WIZ: variants seen among roughly 807,000 people sequenced by gnomAD.
WIZ encodes protein Wiz.
Under a neutral mutation model 140.2 loss-of-function variants are expected in WIZ, and 25 were observed. The ratio of observed to expected loss-of-function variants is 0.18; its 90% CI spans 0.13 to 0.25. The LOEUF (loss-of-function observed/expected upper bound fraction) is 0.25. Ranked by LOEUF, WIZ falls within the 10% of genes least tolerant of loss-of-function variation. WIZ has a pLI of 1.00. For synonymous variants in WIZ, 1,125 were observed against 1,154.3 expected, an observed-to-expected ratio of 0.97 and a Z score of 0.51; for missense variants, 2,231 against 2,632.6, an observed-to-expected ratio of 0.85 and a Z score of 3.34.
At chr19:15,426,415 A>G (rs1385416592) in intron 9 of WIZ, among the ~76,000 whole-genome samples, 1 of 152,212 alleles carries the variant, frequency 6.6e-6, no homozygotes, top group Non-Finnish European at 1.5e-5. Flanking sequence ...GTTTTCTGTA[A>G]CCAGGTGCTG....
Position 15,427,213 on chromosome 19 carries a change from G to A in WIZ, c.4135C>T (p.Pro1379Ser), listed in dbSNP as rs748820922. Residue 1379 changes from proline (P) to serine (S), a missense_variant, in exon 9 of 13, where the codon CCA becomes TCA. Around this residue, in one of 15 missense-constraint regions of WIZ, gnomAD observed 393 missense variants for 451.7 expected, o/e 0.87. Coordinates refer to ENST00000673675, the MANE Select transcript of WIZ (RefSeq NM_001371589.1). This position sits in a 1 kb window ranked among gnomAD's most constrained non-coding sequence, Gnocchi z 6.4. ...CCCAGGGGGCTGCCCGGTGGTGGTG[G>A]CAACTTCTTGGCCAAGGGTGAGATG... ...LHISPLAKKLPPPPGSPLGHS... is the reference protein window; with the variant it reads ...LHISPLAKKLSPPPGSPLGHS... The A allele has an allele frequency of 1.2e-6, 2 of 1,614,142 alleles. No homozygotes were observed. Among genetic ancestry groups the A allele is most frequent in the Admixed American group, 1.7e-5 (1 of 60,028 alleles).
At position 15,424,334 on chromosome 19, in the gene WIZ, G is replaced by C; in HGVS notation, c.5359C>G (p.Arg1787Gly). The change falls in exon 12 of 13, where the codon CGG (arginine) becomes GGG (glycine). Residue 1787 changes from arginine (R) to glycine (G), a missense_variant. Around this residue, in one of 15 missense-constraint regions of WIZ, gnomAD observed 299 missense variants for 309.6 expected, o/e 0.97. Transcript: ENST00000673675. This position sits in a 1 kb window ranked among gnomAD's most constrained non-coding sequence, Gnocchi z 9.7. ...AGGTCATTGGTGTCCTCGCCTCCCC[G>C]GGCTGCGGAGGCATCTGGAGGGCGG... ...QARPPDASAA[R>G]GGEDTNDLQQ... The C allele has an allele frequency of 6.2e-7, 1 of 1,603,558 alleles. No homozygotes were observed. The highest frequency in any genetic ancestry group is 8.5e-7 in the Non-Finnish European group (1 of 1,176,980).
At chr19:15,432,453 G>A (rs1278675483) in intron 5 of WIZ, 8 of 983,720 alleles carry the variant, frequency 8.1e-6, no homozygotes, top group South Asian at 4.5e-5. Context: ...GAGCGGACGC[G>A]GGCCCGGGCC....
chr19:15,443,722 G>A (rs1969821916), intron 2 of WIZ, among the ~76,000 whole-genome samples: 1 of 152,208 alleles, frequency 6.6e-6, no homozygotes, highest in Non-Finnish European at 1.5e-5. Context: ...CAGTAGACCA[G>A]GTACTTTGTC....
intron 7 of WIZ, 137 bp downstream of exon 7, chr19:15,429,448 TG>T: frequency 1.0e-6 from 1 of 1,003,106 alleles, no homozygotes; most frequent in Non-Finnish European, 1.3e-6. Context: ...TACTCTGGCC[TG>T]GCTGGCCCAG....
intron 5 of WIZ, chr19:15,433,274 A>G (rs974588640): frequency 1.0e-6 from 1 of 977,364 alleles, no homozygotes; most frequent in Non-Finnish European, 1.2e-6. Context: ...AACACATTTC[A>G]ATCACCGCCT....
At chr19:15,426,256 T>C (rs1253587393) in intron 9 of WIZ, among the ~76,000 whole-genome samples, 5 of 152,086 alleles carry the variant, frequency 3.3e-5, no homozygotes, top group African/African-American at 1.2e-4. Context: ...ACAGAGCTGG[T>C]ACACAACACA....
rs957955465 is a variant in WIZ at position 15,439,232 on chromosome 19, T to C, written c.1762A>G (p.Thr588Ala). The stretch of plus-strand genomic sequence containing the variant: ...CTCCCGAGCTGTAAGGAGTAGGGGG[T>C]GGATGCTAGTGTGGAGGGAAAGGCC... ...RLAFPSTLAS[T>A]PYSLQLGRNK... Residue 588 changes from threonine to alanine, a missense_variant, in exon 4 of 13, where the codon ACC (threonine) becomes GCC (alanine). Thr to Ala is a moderately conservative substitution (Grantham distance 58). Transcript: ENST00000673675. The surrounding 1 kb of genome is among the most constrained non-coding windows in gnomAD (Gnocchi z 7.0). 10 of 1,534,718 alleles carry C rather than the reference T, an allele frequency of 6.5e-6. No homozygotes were observed. Among genetic ancestry groups the C allele is most frequent in the Admixed American group, 2.0e-5 (1 of 50,868 alleles).
At chr19:15,435,420 C>T (rs1405050051) in intron 5 of WIZ, among the ~76,000 whole-genome samples, 1 of 152,014 alleles carries the variant, frequency 6.6e-6, no homozygotes, top group Non-Finnish European at 1.5e-5. Context: ...GCTTGGGCAA[C>T]ACAGCAAGAC....
chr19:15,427,270 A>G lies in WIZ; in HGVS notation c.4078T>C (p.Ser1360Pro). ...TCCGAGGGGCTGCGGGCTTCCAGTG[A>G]GCTGCCAGGACCTGCGCCGCCCATC... Reference protein sequence around the residue: ...KMMGGAGPGSSLEARSPSDLH... With the variant: ...KMMGGAGPGSPLEARSPSDLH... The change falls in exon 9 of 13, where the codon TCA becomes CCA. Residue 1360 changes from serine (S) to proline (P), a missense_variant. Physicochemically the swap from Ser to Pro is moderately conservative, Grantham distance 74. Coordinates refer to ENST00000673675, the MANE Select transcript of WIZ (RefSeq NM_001371589.1). The surrounding 1 kb of genome is among the most constrained non-coding windows in gnomAD (Gnocchi z 6.4). 6.2e-7 allele frequency: 1 copy of G among 1,613,674 alleles called. No homozygotes were observed. Among genetic ancestry groups the G allele is most frequent in the Non-Finnish European group, 8.5e-7 (1 of 1,179,986 alleles).
Position 15,424,842 on chromosome 19 carries a change from C to G in WIZ, c.5085G>C (p.Gln1695His), listed in dbSNP as rs1968628147. ...QKVGAYRSYI[Q>H]GGRPFTKKFR... The stretch of plus-strand genomic sequence containing the variant: ...ACTTCTTGGTGAAGGGGCGGCCGCC[C>G]TGGATGTAGCTGCGGTAGGCGCCCA... The change falls in exon 11 of 13, where the codon CAG becomes CAC. Residue 1695 changes from glutamine to histidine, a missense_variant. This residue lies in a region of WIZ where 299 missense variants were observed against 309.6 expected (regional missense o/e 0.97). Coordinates refer to ENST00000673675, the MANE Select transcript of WIZ (RefSeq NM_001371589.1). The surrounding 1 kb of genome is among the most constrained non-coding windows in gnomAD (Gnocchi z 9.7). The G allele has an allele frequency of 2.5e-6, 4 of 1,611,052 alleles. No individual in the cohort carries two copies. Among genetic ancestry groups the G allele is most frequent in the Non-Finnish European group, 3.4e-6 (4 of 1,179,376 alleles).
rs543574896 is a variant in WIZ, at chr19:15,421,297, G to A, written c.*1779C>T. On this transcript the variant is annotated 3_prime_UTR_variant, in exon 13 of 13. Transcript: ENST00000673675. ...TGCCACCAGGCGAGATGTGCGTCCT[G>A]ACCCCACAGGAGCAGACGTGTGGGC... The A allele has an allele frequency of 5.9e-5, 9 of 152,356 alleles. No individual in the cohort carries two copies. Among genetic ancestry groups the A allele is most frequent in the African/African-American group, 2.2e-4 (9 of 41,556 alleles). 9.4% of individuals were successfully genotyped at this position (152,356 alleles called of 1,614,324 possible).
At position 15,424,356 on chromosome 19, in the gene WIZ, G is replaced by A; in HGVS notation, c.5337C>T (p.Arg1779=). ...CCCGGGCTGCGGAGGCATCTGGAGG[G>A]CGGGCTTGTCGGCGTTCAAATTCTA... ...NINKFERRQA[R]PPDASAARGG... is the part of the protein sequence containing the mutation. The change falls in exon 12 of 13, where the codon CGC becomes CGT. Residue 1779 remains arginine, a synonymous_variant. Transcript: ENST00000673675. This position sits in a 1 kb window ranked among gnomAD's most constrained non-coding sequence, Gnocchi z 9.7. 3 of 1,602,762 alleles carry A rather than the reference G, an allele frequency of 1.9e-6. No homozygotes were observed. Among genetic ancestry groups the A allele is most frequent in the Admixed American group, 1.7e-5 (1 of 57,582 alleles).
intron 7 of WIZ, 99 bp downstream of exon 7, chr19:15,429,487 C>T: frequency 2.4e-6 from 2 of 848,038 alleles, no homozygotes; most frequent in Non-Finnish European, 1.6e-6. Context: ...CCCCACCGCC[C>T]CCACCCACCC....
rs1212815405 is a variant in WIZ at position 15,424,131 on chromosome 19, G to A, written c.5510+52C>T. 13 of 1,424,690 alleles carry A rather than the reference G, an allele frequency of 9.1e-6. No individual in the cohort carries two copies. Among genetic ancestry groups the A allele is most frequent in the Non-Finnish European group, 1.2e-5 (13 of 1,083,662 alleles). 88.3% of individuals were successfully genotyped at this position (1,424,690 alleles called of 1,614,324 possible). On this transcript the variant is annotated intron_variant, in intron 12 of 12. Transcript: ENST00000673675. This position sits in a 1 kb window ranked among gnomAD's most constrained non-coding sequence, Gnocchi z 9.7. ...ACCCTATCCTGTTCCAAGGCTCCGG[G>A]TGACCAAGGTCCACTCAGGTGGTCT...
At chr19:15,448,427 C>G (rs923905971) in intron 1 of WIZ, 60 bp from the exon 2 acceptor site, 3 of 1,299,682 alleles carry the variant, frequency 2.3e-6, no homozygotes, top group Non-Finnish European at 3.2e-6. Context: ...GCCTCAGTTT[C>G]CCATCCCTCA....
chr19:15,429,496 C>T (rs1969080627), intron 7 of WIZ, 90 bp downstream of exon 7: 2 of 1,092,780 alleles, frequency 1.8e-6, no homozygotes, highest in Non-Finnish European at 2.4e-6. Context: ...CCCCACCCAC[C>T]CTGGGCCCTG....
In WIZ at chr19:15,429,394, C is replaced by T. The variant is rs564385294; in HGVS notation, c.3415+192G>A. Among the ~76,000 whole-genome samples, 3 of 152,352 alleles carry T rather than the reference C, an allele frequency of 2.0e-5. No homozygotes were observed. The East Asian group carries it at 5.8e-4, about 29-fold the overall frequency. On this transcript the variant is annotated intron_variant, in intron 7 of 12. Coordinates refer to ENST00000673675, the MANE Select transcript of WIZ (RefSeq NM_001371589.1). ...AGCAAAGTAAAGTGGGAGGCACGATCCACATCCAAGGCGGCCCAAAAGGAG... is the reference window on the plus strand; with the variant it reads ...AGCAAAGTAAAGTGGGAGGCACGATTCACATCCAAGGCGGCCCAAAAGGAG...
Position 15,429,799 on chromosome 19 carries a change from T to G in WIZ, c.3202A>C (p.Asn1068His). 1.3e-6 allele frequency: 2 copies of G among 1,522,874 alleles called. No individual in the cohort carries two copies. Among genetic ancestry groups the G allele is most frequent in the Non-Finnish European group, 1.8e-6 (2 of 1,138,260 alleles). 94.3% of individuals were successfully genotyped at this position (1,522,874 alleles called of 1,614,324 possible). A position where few individuals can be genotyped will look rare whatever the true frequency, so the allele number is the denominator to read the frequency against. The change falls in exon 7 of 13, where the codon AAC becomes CAC. Residue 1068 changes from asparagine to histidine, a missense_variant. Physicochemically the swap from Asn to His is moderately conservative, Grantham distance 68 (BLOSUM62 1). Around this residue, in one of 15 missense-constraint regions of WIZ, gnomAD observed 163 missense variants for 166.8 expected, o/e 0.98. Coordinates refer to ENST00000673675, the MANE Select transcript of WIZ (RefSeq NM_001371589.1). ...CCGGGAGGCGACTTGATGGCTTTGT[T>G]GACAGCAGGGGCATCCAAGGGCTTG... ...LAKPLDAPAV[N>H]KAIKSPPGFS...
Sources: allele counts gnomAD v4.1 joint callset (sites outside exome capture counted in the v4.1 genomes callset), GRCh38; gene constraint gnomAD v4.1.1; regional missense constraint gnomAD v4.1.1; non-coding constraint Gnocchi (gnomAD v3.1); transcripts MANE v1.5; gene names NCBI Gene and HGNC (gene_info 2026-07-23, HGNC 2026-07-21).